GALNT16: variants seen among roughly 807,000 people sequenced by gnomAD.
GALNT16 encodes polypeptide N-acetylgalactosaminyltransferase 16, also known as UDP-GalNAc:polypeptide N-acetylgalactosaminyltransferase-like protein 1.
A neutral mutation model predicts 76.1 loss-of-function variants in GALNT16; 40 were observed. The ratio of observed to expected loss-of-function variants is 0.53; its 90% CI spans 0.41 to 0.68. The LOEUF (loss-of-function observed/expected upper bound fraction) is 0.68. Ranked by LOEUF, GALNT16 falls within the 30% of genes least tolerant of loss-of-function variation. The pLI, the probability that GALNT16 is intolerant of heterozygous loss-of-function variation, is 0.00. For missense variants in GALNT16, 621 were observed against 731.9 expected (o/e 0.85, Z 1.75); for synonymous variants, 276 against 285.2 (o/e 0.97, Z 0.32).
At chr14:69,363,629 C>T in the GALNT16 span, among the ~76,000 whole-genome samples, 6 of 152,174 alleles carry the variant, frequency 3.9e-5, no homozygotes, top group South Asian at 2.1e-4. Flanking sequence ...GTCCTGCTCA[C>T]GGCTGGATTG....
rs1403205271 is a variant in GALNT16, at chr14:69,322,988, GCACGCGCGCACGCA to G, written c.336-1703_336-1690del. On this transcript the variant is annotated intron_variant, in intron 2 of 14. Coordinates refer to ENST00000448469, the MANE Select transcript of GALNT16 (RefSeq NM_001168368.2). ...TGTGTGTGTGTGTGTGTGTGCGCGC[GCACGCGCGCACGCA>G]TGCACACGTGTAGGGAAGCAAAGGA... Among the ~76,000 whole-genome samples the G allele has an allele frequency of 2.7e-3, 62 of 22,928 alleles. 3 individuals carry two copies. Among genetic ancestry groups the G allele is most frequent in the African/African-American group, 0.021 (56 of 2,610 alleles). 15.0% of individuals were successfully genotyped at this position (22,928 alleles called of 152,430 possible). A position where few individuals can be genotyped will look rare whatever the true frequency, so the allele number is the denominator to read the frequency against.
At chr14:69,326,132 T>C in intron 5 of GALNT16, 105 bp downstream of exon 5, 1 of 850,982 alleles carries the variant, frequency 1.2e-6, no homozygotes, top group Non-Finnish European at 2.0e-6. Context: ...AACATGGTCC[T>C]GCTGCATTCC....
intron 1 of GALNT16, among the ~76,000 whole-genome samples, chr14:69,283,341 C>G (rs2044568815): frequency 2.0e-5 from 3 of 152,292 alleles, no homozygotes; most frequent in Middle Eastern, 6.8e-3. Context: ...GGTGGGCACA[C>G]AGTAAATGTT....
chr14:69,378,170 T>C, the GALNT16 span, among the ~76,000 whole-genome samples: 5 of 152,234 alleles, frequency 3.3e-5, no homozygotes, highest in African/African-American at 1.2e-4. Context: ...TGGAAATATA[T>C]TAAGCCAGAG....
chr14:69,337,361 G>A (rs2045427989), intron 9 of GALNT16, among the ~76,000 whole-genome samples: 1 of 152,236 alleles, frequency 6.6e-6, no homozygotes, highest in Non-Finnish European at 1.5e-5. Context: ...TGGATAGAAA[G>A]AGCATGGCAT....
intron 1 of GALNT16, among the ~76,000 whole-genome samples, chr14:69,284,667 A>T (rs2044586491): frequency 6.6e-6 from 1 of 152,162 alleles, no homozygotes; most frequent in African/African-American, 2.4e-5. Flanking sequence ...TGGGCAAAGT[A>T]TACCTCTGTT....
intron 11 of GALNT16, among the ~76,000 whole-genome samples, chr14:69,340,081 G>C (rs2045467383): frequency 6.6e-6 from 1 of 152,240 alleles, no homozygotes; most frequent in South Asian, 2.1e-4. Context: ...TTTAAAAAGA[G>C]AGAGAGAGAA....
the GALNT16 span, among the ~76,000 whole-genome samples, chr14:69,369,794 G>A: frequency 6.6e-6 from 1 of 152,284 alleles, no homozygotes; most frequent in South Asian, 2.1e-4. Context: ...AGCTTAATGA[G>A]TCTTCCGACT....
chr14:69,293,329 T>C (rs2044711950), intron 1 of GALNT16, among the ~76,000 whole-genome samples: 1 of 152,244 alleles, frequency 6.6e-6, no homozygotes, highest in Admixed American at 6.5e-5. Flanking sequence ...GGGATTTCTT[T>C]ACAGAGGCTC....
the GALNT16 span, among the ~76,000 whole-genome samples, chr14:69,376,162 A>G: frequency 1.1e-4 from 17 of 152,088 alleles, no homozygotes; most frequent in Non-Finnish European, 2.4e-4. Flanking sequence ...TTGGCCTCCC[A>G]AAGTGCTGGG....
intron 1 of GALNT16, among the ~76,000 whole-genome samples, chr14:69,278,754 A>G (rs2044504348): frequency 6.6e-6 from 1 of 152,246 alleles, no homozygotes; most frequent in Non-Finnish European, 1.5e-5. Flanking sequence ...TAAACAACAC[A>G]GTGAGCATTC....
intron 1 of GALNT16, among the ~76,000 whole-genome samples, chr14:69,287,798 G>A (rs2044633721): frequency 6.6e-6 from 1 of 152,186 alleles, no homozygotes; most frequent in South Asian, 2.1e-4. Context: ...TGAAAACACA[G>A]CTTGGAAATG....
chr14:69,320,507 G>GA (rs1160448105), intron 1 of GALNT16, among the ~76,000 whole-genome samples: 1 of 148,140 alleles, frequency 6.8e-6, no homozygotes, highest in Non-Finnish European at 1.5e-5. Flanking sequence ...AAAAAAAAAA[G>GA]AAAAAAAGAA....
intron 1 of GALNT16, among the ~76,000 whole-genome samples, chr14:69,280,040 A>G (rs975488975): frequency 6.6e-6 from 1 of 152,264 alleles, no homozygotes; most frequent in African/African-American, 2.4e-5. Flanking sequence ...AGTAAAATAC[A>G]TATAAGATAA....
chr14:69,346,952 A>C, intron 12 of GALNT16, 88 bp from the exon 13 acceptor site: 18 of 1,542,268 alleles, frequency 1.2e-5, no homozygotes, highest in Non-Finnish European at 1.4e-5. Flanking sequence ...CGGCGCTCCC[A>C]GAGCTGATAG....
the GALNT16 span, among the ~76,000 whole-genome samples, chr14:69,385,609 T>C: frequency 6.6e-6 from 1 of 151,026 alleles, no homozygotes; most frequent in Non-Finnish European, 1.5e-5. Flanking sequence ...TACAACCCCA[T>C]TTTTCTGTTC....
chr14:69,338,252 C>T, intron 9 of GALNT16, among the ~76,000 whole-genome samples: 1 of 152,222 alleles, frequency 6.6e-6, no homozygotes, highest in Non-Finnish European at 1.5e-5. Context: ...GTTTTCCGAC[C>T]TCTCAGGTGC....
At chr14:69,347,268 C>A in intron 13 of GALNT16, 87 bp downstream of exon 13, 1 of 1,328,096 alleles carries the variant, frequency 7.5e-7, no homozygotes, top group Non-Finnish European at 1.0e-6. Flanking sequence ...TACTCATTCT[C>A]CTCCTCTGTC....
chr14:69,285,941 C>T (rs1566865145), intron 1 of GALNT16, among the ~76,000 whole-genome samples: 1 of 152,176 alleles, frequency 6.6e-6, no homozygotes, highest in South Asian at 2.1e-4. Flanking sequence ...GCATCCTGGT[C>T]TGACTCCCCC....
Sources: gnomAD v4.1 joint callset for allele counts (sites outside exome capture counted in the v4.1 genomes callset) on GRCh38, gnomAD v4.1.1 for gene constraint, MANE v1.5 for transcripts, NCBI Gene and HGNC (gene_info 2026-07-23, HGNC 2026-07-21) for gene names.